Variants in SERTAD2 observed in about 807,000 individuals in gnomAD.
SERTAD2 encodes the protein SERTA domain-containing protein 2.
A neutral mutation model predicts 15.4 loss-of-function variants in SERTAD2; 2 were observed. The observed-to-expected ratio is 0.13, with a 90% confidence interval of 0.05 to 0.41. The LOEUF (loss-of-function observed/expected upper bound fraction) is 0.41. Among genes scored for constraint, SERTAD2 ranks in the 10% least tolerant of loss-of-function variants. The probability of loss-of-function intolerance (pLI) is 0.99; values close to 1 mark genes in which losing one functional copy is unlikely to be tolerated. For synonymous variants in SERTAD2, 180 were observed against 178.0 expected, an observed-to-expected ratio of 1.01 and a Z score of -0.09; for missense variants, 333 against 409.7, an observed-to-expected ratio of 0.81 and a Z score of 1.62.
At chr2:64,653,318 G>A (rs1219675435) in intron 1 of SERTAD2, among the ~76,000 whole-genome samples, 1 of 152,110 alleles carries the variant, frequency 6.6e-6, no homozygotes, top group East Asian at 1.9e-4. Flanking sequence ...ACAGCTCCAG[G>A]CGCCCCCGCC....
Position 64,636,202 on chromosome 2 carries a change from A to T in SERTAD2, c.670T>A (p.Ser224Thr), listed in dbSNP as rs780025697. The T allele has an allele frequency of 6.2e-7, 1 of 1,614,172 alleles. No individual in the cohort carries two copies. The highest frequency in any genetic ancestry group is 8.5e-7 in the Non-Finnish European group (1 of 1,180,034). Residue 224 changes from serine (S) to threonine (T), a missense_variant, in exon 2 of 2, where the codon TCT (serine) becomes ACT (threonine). By Grantham distance (58) the Ser-to-Thr change is moderately conservative (BLOSUM62 1). Transcript: ENST00000313349. ...GTTATTTCAAAATTCCCAGGCAGAG[A>T]GTCCATCAGTTTTGAGTCATCTGCG... ...SRADDSKLMD[S>T]LPGNFEITTS...
chr2:64,643,032 A>G (rs537546846), intron 1 of SERTAD2, among the ~76,000 whole-genome samples: 1 of 152,312 alleles, frequency 6.6e-6, no homozygotes, highest in South Asian at 2.1e-4. Flanking sequence ...ATAATTGGGG[A>G]AGGTGTGACT....
intron 1 of SERTAD2, among the ~76,000 whole-genome samples, chr2:64,639,874 T>C (rs72894612): frequency 0.023 from 3,542 of 152,262 alleles, 141 homozygotes; most frequent in African/African-American, 0.08. Context: ...CTAATCCTAA[T>C]GATTTAGAGA....
Position 64,632,044 on chromosome 2 carries a change from T to C in SERTAD2, c.*3883A>G, listed in dbSNP as rs1013424262. ...TCATTCTTAGAAACACTGAAAACAATTGTACATAAGCAGGATGCACACAAC... is the reference window on the plus strand; with the variant it reads ...TCATTCTTAGAAACACTGAAAACAACTGTACATAAGCAGGATGCACACAAC... On this transcript the variant is annotated 3_prime_UTR_variant, in exon 2 of 2. Coordinates refer to ENST00000313349, the MANE Select transcript of SERTAD2 (RefSeq NM_014755.3). 2.6e-5 allele frequency: 4 copies of C among 152,612 alleles called. No homozygotes were observed. The highest frequency in any genetic ancestry group is 9.7e-5 in the African/African-American group (4 of 41,430). The allele number at this position is 152,612 out of a possible 1,614,324, so 9.5% of individuals were successfully genotyped here.
chr2:64,636,347 C>A lies in SERTAD2; in HGVS notation c.525G>T (p.Glu175Asp). Residue 175 changes from glutamate (E) to aspartate (D), a missense_variant, in exon 2 of 2, where the codon GAG (glutamate) becomes GAT (aspartate). Transcript: ENST00000313349. ...TAGATGTGGGACAGAGCTCCTCGAT[C>A]TCGTCCAAGGCAGAGGAGAAACTGT... is the stretch of plus-strand genomic sequence containing the variant. ...EKDSFSSALD[E>D]IEELCPTSTS... The A allele has an allele frequency of 6.2e-7, 1 of 1,614,194 alleles. No homozygotes were observed. Among genetic ancestry groups the A allele is most frequent in the South Asian group, 1.1e-5 (1 of 91,070 alleles).
Position 64,635,671 on chromosome 2 carries a change from T to G in SERTAD2, c.*256A>C. On this transcript the variant is annotated 3_prime_UTR_variant, in exon 2 of 2. Coordinates refer to ENST00000313349, the MANE Select transcript of SERTAD2 (RefSeq NM_014755.3). ...ATTTTTGTCATTCAACATTGCAACA[T>G]TGTCTTCAAATGGATTCTTTCCTAT... is the stretch of plus-strand genomic sequence containing the variant. 5.1e-6 allele frequency: 2 copies of G among 395,232 alleles called. No individual in the cohort carries two copies. Among genetic ancestry groups the G allele is most frequent in the Non-Finnish European group, 9.2e-6 (2 of 218,562 alleles). The allele number at this position is 395,232 out of a possible 1,614,324, so 24.5% of individuals were successfully genotyped here.
Position 64,636,242 on chromosome 2 carries a change from A to G in SERTAD2, c.630T>C (p.Gly210=), listed in dbSNP as rs909958240. ...SSEAGTQKLD[G]PQESRADDSK... ...AGTCATCTGCGCGGCTCTCTTGAGG[A>G]CCGTCGAGTTTCTGGGTGCCAGCCT... The change falls in exon 2 of 2, where the codon GGT becomes GGC. Residue 210 remains glycine (G), a synonymous_variant. Transcript: ENST00000313349. 1.9e-6 allele frequency: 3 copies of G among 1,614,148 alleles called. No homozygotes were observed. The highest frequency in any genetic ancestry group is 2.5e-6 in the Non-Finnish European group (3 of 1,180,018).
At chr2:64,648,746 G>C (rs1449370687) in intron 1 of SERTAD2, among the ~76,000 whole-genome samples, 4 of 152,110 alleles carry the variant, frequency 2.6e-5, no homozygotes, top group Non-Finnish European at 5.9e-5. Context: ...CTGAAGAATT[G>C]AATTTTTAAT....
chr2:64,632,875 T>A lies in SERTAD2; in HGVS notation c.*3052A>T, dbSNP rs1674566778. 1 of 102,510 alleles carries A rather than the reference T, an allele frequency of 9.8e-6. No homozygotes were observed. Among genetic ancestry groups the A allele is most frequent in the South Asian group, 3.1e-4 (1 of 3,258 alleles). The allele number at this position is 102,510 out of a possible 1,614,324, so 6.4% of individuals were successfully genotyped here. A position where few individuals can be genotyped will look rare whatever the true frequency, so the allele number is the denominator to read the frequency against. ...ACACAGAAAAAAGGAATAAATAACT[T>A]ATGGGGGGAAAAAAACTCACTTCAA... On this transcript the variant is annotated 3_prime_UTR_variant, in exon 2 of 2. Transcript: ENST00000313349.
intron 1 of SERTAD2, among the ~76,000 whole-genome samples, chr2:64,642,160 C>T (rs989773262): frequency 6.6e-6 from 1 of 152,244 alleles, no homozygotes; most frequent in Non-Finnish European, 1.5e-5. Context: ...GTGATAGCAA[C>T]TGACAACTGA....
In SERTAD2 at chr2:64,640,553, AGGCTTCGCTG is replaced by A. The variant is rs139062905; in HGVS notation, c.-4-3688_-4-3679del. ...TGGAGAGGCAAGGGACCTTTCAAAA[AGGCTTCGCTG>A]GGCTGCAACTTGAAGATGAAGCAGT... is the stretch of plus-strand genomic sequence containing the variant. On this transcript the variant is annotated intron_variant, in intron 1 of 1. Coordinates refer to ENST00000313349, the MANE Select transcript of SERTAD2 (RefSeq NM_014755.3). 2.9e-3 allele frequency among the ~76,000 whole-genome samples: 438 copies of A among 152,188 alleles called. 3 individuals are homozygous for A. Among genetic ancestry groups the A allele is most frequent in the Non-Finnish European group, 4.5e-3 (308 of 68,008 alleles).
At chr2:64,637,674 T>C (rs143108220) in intron 1 of SERTAD2, among the ~76,000 whole-genome samples, 79 of 152,212 alleles carry the variant, frequency 5.2e-4, no homozygotes, top group Non-Finnish European at 7.8e-4. Context: ...CTCGAGACAT[T>C]TCCTAACAAA....
intron 1 of SERTAD2, among the ~76,000 whole-genome samples, chr2:64,646,263 T>C (rs1032098033): frequency 2.0e-5 from 3 of 152,188 alleles, no homozygotes; most frequent in African/African-American, 4.8e-5. Context: ...CCTTTTACTT[T>C]TGAATGTGTT....
intron 1 of SERTAD2, among the ~76,000 whole-genome samples, chr2:64,652,012 A>T (rs1467315000): frequency 1.3e-5 from 2 of 152,172 alleles, no homozygotes; most frequent in Non-Finnish European, 2.9e-5. Context: ...CTGTTAAAGG[A>T]TTCCAAACTT....
chr2:64,636,925 TCTCCC>T, intron 1 of SERTAD2, 50 bp from the exon 2 acceptor site: 1 of 1,325,366 alleles, frequency 7.5e-7, no homozygotes, highest in South Asian at 1.4e-5. Context: ...AAAGCTGATT[TCTCCC>T]ATAAAAAAAG....
intron 1 of SERTAD2, chr2:64,646,554 T>C (rs563062631): frequency 2.0e-5 from 3 of 152,342 alleles, no homozygotes; most frequent in South Asian, 2.1e-4. Flanking sequence ...CGCAAAAGTC[T>C]CATTCTTCAC....
In SERTAD2 at chr2:64,647,750, T is replaced by C. The variant is rs1243205733; in HGVS notation, c.-5+5870A>G. 2.0e-5 allele frequency among the ~76,000 whole-genome samples: 3 copies of C among 152,150 alleles called. No homozygotes were observed. The East Asian group carries it at 5.8e-4, about 29-fold the overall frequency. On this transcript the variant is annotated intron_variant, in intron 1 of 1. Transcript: ENST00000313349. The stretch of plus-strand genomic sequence containing the variant: ...GAAATATAAGGTTTTAGAACAATTC[T>C]GTGAAAGATAAAATTACATCTTAGT...
intron 1 of SERTAD2, among the ~76,000 whole-genome samples, chr2:64,645,188 T>G: frequency 6.6e-6 from 1 of 152,166 alleles, no homozygotes; most frequent in East Asian, 1.9e-4. Flanking sequence ...CAGTCTCCTG[T>G]GCTCCAGCGA....
At chr2:64,640,763 A>T (rs1349381005) in intron 1 of SERTAD2, among the ~76,000 whole-genome samples, 3 of 152,132 alleles carry the variant, frequency 2.0e-5, no homozygotes, top group Non-Finnish European at 4.4e-5. Flanking sequence ...CAAAGCCTAA[A>T]AAACCCATGT....
Sources: allele counts gnomAD v4.1 joint callset (sites outside exome capture counted in the v4.1 genomes callset), GRCh38; gene constraint gnomAD v4.1.1; transcripts MANE v1.5; gene names NCBI Gene and HGNC (gene_info 2026-07-23, HGNC 2026-07-21).